Variants in CUX2 observed in about 807,000 individuals in gnomAD.
CUX2 encodes the protein homeobox protein cut-like 2.
A neutral mutation model predicts 144.8 loss-of-function variants in CUX2; 40 were observed. That is an observed-to-expected ratio of 0.28 (90% CI 0.21 to 0.36). The LOEUF is 0.36. Among genes scored for constraint, CUX2 ranks in the 10% least tolerant of loss-of-function variants. CUX2 has a pLI of 1.00. For missense variants in CUX2, 1,615 were observed against 1,994.0 expected, an observed-to-expected ratio of 0.81 and a Z score of 3.62; for synonymous variants, 827 against 875.6, an observed-to-expected ratio of 0.94 and a Z score of 0.98.
rs1478862688 is a variant in CUX2, at chr12:111,320,019, C to G, written c.2010C>G (p.Pro670=). The G allele has an allele frequency of 3.3e-6, 5 of 1,526,654 alleles. No individual in the cohort carries two copies. Among genetic ancestry groups the G allele is most frequent in the Non-Finnish European group, 4.4e-6 (5 of 1,142,758 alleles). 94.6% of individuals were successfully genotyped at this position (1,526,654 alleles called of 1,614,324 possible). ...CTGTCCCCCTCCCCGCAGGCGAGCC[C>G]AAGACCTCGGTGGCCCCGCTGAGCA... ...KEIESQKGGE[P]KTSVAPLSIA... Residue 670 remains proline (P), a synonymous_variant, in exon 17 of 22, where the codon CCC becomes CCG. Coordinates refer to ENST00000261726, the MANE Select transcript of CUX2 (RefSeq NM_015267.4). This position sits in a 1 kb window ranked among gnomAD's most constrained non-coding sequence, Gnocchi z 8.1.
intron 1 of CUX2, among the ~76,000 whole-genome samples, chr12:111,063,241 C>T (rs1408488643): frequency 6.6e-6 from 1 of 152,156 alleles, no homozygotes; most frequent in Non-Finnish European, 1.5e-5. Flanking sequence ...GTCCTCACCA[C>T]ATTCAAATAC....
At chr12:111,325,351 C>T (rs1465129880) in intron 18 of CUX2, among the ~76,000 whole-genome samples, 1 of 152,108 alleles carries the variant, frequency 6.6e-6, no homozygotes, top group Non-Finnish European at 1.5e-5. Context: ...ACTTACCACA[C>T]ATAGCACCAA....
At chr12:111,194,820 C>T (rs935880115) in intron 1 of CUX2, among the ~76,000 whole-genome samples, 2 of 152,224 alleles carry the variant, frequency 1.3e-5, no homozygotes, top group Admixed American at 6.5e-5. Context: ...ATCCAGTTCG[C>T]GAGCAGCCCC....
At chr12:111,101,361 G>C (rs756277423) in intron 1 of CUX2, among the ~76,000 whole-genome samples, 5 of 152,102 alleles carry the variant, frequency 3.3e-5, no homozygotes, top group Non-Finnish European at 7.4e-5. Context: ...CCACCTGCAG[G>C]GTGTGACCCC....
Position 111,196,247 on chromosome 12 carries a change from G to A in CUX2, c.64-17953G>A, listed in dbSNP as rs1437417788. On this transcript the variant is annotated intron_variant, in intron 1 of 21. Coordinates refer to ENST00000261726, the MANE Select transcript of CUX2 (RefSeq NM_015267.4). Reference sequence around the variant, plus strand: ...TGTATGGATAGACCACGTTTTATCCGTTCATCGGTTGATGGGCATGTGGGT... The same window carrying A: ...TGTATGGATAGACCACGTTTTATCCATTCATCGGTTGATGGGCATGTGGGT... Among the ~76,000 whole-genome samples, 4 of 152,178 alleles carry A rather than the reference G, an allele frequency of 2.6e-5. No individual in the cohort carries two copies. The East Asian group carries it at 7.7e-4, about 29-fold the overall frequency.
Position 111,341,821 on chromosome 12 carries a change from G to C in CUX2, c.3427G>C (p.Asp1143His). The C allele has an allele frequency of 6.2e-7, 1 of 1,612,232 alleles. No individual in the cohort carries two copies. Among genetic ancestry groups the C allele is most frequent in the Non-Finnish European group, 8.5e-7 (1 of 1,179,758 alleles). Reference sequence around the variant, plus strand: ...CTATGGCCTCATCAGCACCGGCTCAGACAGTGAGTCCCCGGCCACCCGCTC... The same window carrying C: ...CTATGGCCTCATCAGCACCGGCTCACACAGTGAGTCCCCGGCCACCCGCTC... ...RRYGLISTGS[D>H]SESPATRSEC... The change falls in exon 21 of 22, where the codon GAC (aspartate) becomes CAC (histidine). Residue 1143 changes from aspartate to histidine, a missense_variant. Asp to His is a moderately conservative substitution (Grantham distance 81, BLOSUM62 -1). Around this residue, in one of 12 missense-constraint regions of CUX2, gnomAD observed 131 missense variants for 223.1 expected, o/e 0.59. Coordinates refer to ENST00000261726, the MANE Select transcript of CUX2 (RefSeq NM_015267.4).
intron 1 of CUX2, among the ~76,000 whole-genome samples, chr12:111,155,084 A>G (rs555791555): frequency 6.6e-6 from 1 of 152,290 alleles, no homozygotes; most frequent in South Asian, 2.1e-4. Flanking sequence ...GCGATAATAC[A>G]GGTAAGACAT....
chr12:111,318,599 T>TTA (rs1367760852), intron 16 of CUX2, among the ~76,000 whole-genome samples: 1 of 147,302 alleles, frequency 6.8e-6, no homozygotes, highest in Non-Finnish European at 1.5e-5. Context: ...TCTCTTTTTT[T>TTA]AAAAAAAAAA....
intron 4 of CUX2, among the ~76,000 whole-genome samples, chr12:111,283,252 A>G (rs573410718): frequency 4.0e-5 from 6 of 151,742 alleles, no homozygotes; most frequent in African/African-American, 4.8e-5. Flanking sequence ...ATGTAGTCAC[A>G]TGGGGGGCAG....
At chr12:111,142,019 G>T (rs1454411934) in intron 1 of CUX2, among the ~76,000 whole-genome samples, 1 of 152,192 alleles carries the variant, frequency 6.6e-6, no homozygotes, top group Non-Finnish European at 1.5e-5. Flanking sequence ...TGGAGGTGGA[G>T]GTTGCAGTGA....
At position 111,178,161 on chromosome 12, in the gene CUX2, T is replaced by A. The variant is rs534889069; in HGVS notation, c.64-36039T>A. 9.8e-4 allele frequency among the ~76,000 whole-genome samples: 150 copies of A among 152,326 alleles called. No individual in the cohort carries two copies. The highest frequency in any genetic ancestry group is 1.8e-3 in the Non-Finnish European group (124 of 68,024). On this transcript the variant is annotated intron_variant, in intron 1 of 21. Coordinates refer to ENST00000261726, the MANE Select transcript of CUX2 (RefSeq NM_015267.4). This position sits in a 1 kb window ranked among gnomAD's most constrained non-coding sequence, Gnocchi z 5.7. ...TCTAGAAGAAGAGATTCCAAGATGA[T>A]CTATTTTATGTGATTCTCACCCCAT...
intron 16 of CUX2, among the ~76,000 whole-genome samples, chr12:111,316,305 A>T (rs1219984486): frequency 7.0e-6 from 1 of 143,008 alleles, no homozygotes; most frequent in Non-Finnish European, 1.5e-5. Context: ...CGCCCGGTTA[A>T]TTTTTTTTTT....
intron 18 of CUX2, among the ~76,000 whole-genome samples, chr12:111,331,853 G>T (rs1278823190): frequency 6.6e-6 from 1 of 152,076 alleles, no homozygotes; most frequent in African/African-American, 2.4e-5. Context: ...GCCGAGGAGG[G>T]TGGATCACTT....
At chr12:111,153,712 C>A (rs1422123684) in intron 1 of CUX2, among the ~76,000 whole-genome samples, 1 of 152,106 alleles carries the variant, frequency 6.6e-6, no homozygotes, top group Non-Finnish European at 1.5e-5. Flanking sequence ...CATAAGCAAA[C>A]ATATAGTTAA....
chr12:111,232,318 A>T (rs776012444), intron 3 of CUX2, among the ~76,000 whole-genome samples: 1 of 152,072 alleles, frequency 6.6e-6, no homozygotes, highest in East Asian at 1.9e-4. Context: ...CATGGGCAAC[A>T]TAGTGATACC....
At chr12:111,317,703 CAT>C (rs1299328929) in intron 16 of CUX2, among the ~76,000 whole-genome samples, 1 of 152,086 alleles carries the variant, frequency 6.6e-6, no homozygotes, top group Non-Finnish European at 1.5e-5. Flanking sequence ...TGATAGAAAA[CAT>C]GTGATACCGA....
At chr12:111,275,393 T>C (rs1455405594) in intron 4 of CUX2, among the ~76,000 whole-genome samples, 1 of 152,236 alleles carries the variant, frequency 6.6e-6, no homozygotes, top group Non-Finnish European at 1.5e-5. Context: ...TGCCCTGGTC[T>C]GTCTATTGAC....
intron 1 of CUX2, among the ~76,000 whole-genome samples, chr12:111,069,551 T>TGCGTGC (rs1871173877): frequency 2.7e-5 from 4 of 146,496 alleles, no homozygotes; most frequent in African/African-American, 1.1e-4. Flanking sequence ...TGTGTGTGTG[T>TGCGTGC]GCGCGCGCGT....
intron 18 of CUX2, among the ~76,000 whole-genome samples, chr12:111,324,654 C>G (rs1477010910): frequency 5.9e-5 from 9 of 151,956 alleles, no homozygotes; most frequent in Admixed American, 5.9e-4. Flanking sequence ...GCGTGCGCCA[C>G]CATGCCCAGC....
Sources: gnomAD v4.1 joint callset for allele counts (sites outside exome capture counted in the v4.1 genomes callset) on GRCh38, gnomAD v4.1.1 for gene constraint, gnomAD v4.1.1 regional missense constraint, Gnocchi (gnomAD v3.1) non-coding constraint, MANE v1.5 for transcripts, NCBI Gene and HGNC (gene_info 2026-07-23, HGNC 2026-07-21) for gene names.